Variants in PLEKHH2 observed in about 807,000 individuals in gnomAD.
The protein encoded by PLEKHH2 is pleckstrin homology, MyTH4 and FERM domain containing H2, also known as pleckstrin homology domain-containing family H member 2.
Under a neutral mutation model 187.9 loss-of-function variants are expected in PLEKHH2, and 129 were observed. The ratio of observed to expected loss-of-function variants is 0.69; its 90% CI spans 0.59 to 0.79. The LOEUF (loss-of-function observed/expected upper bound fraction) is 0.79, where lower values mean the gene tolerates loss of function less well. PLEKHH2 is among the 30% of genes least tolerant of loss of function. The probability of loss-of-function intolerance (pLI) is 0.00; values close to 1 mark genes in which losing one functional copy is unlikely to be tolerated. For synonymous variants in PLEKHH2, 686 were observed against 605.6 expected, an observed-to-expected ratio of 1.13 and a Z score of -1.95; for missense variants, 2,076 against 1,751.2, an observed-to-expected ratio of 1.19 and a Z score of -3.31.
At chr2:43,721,092 A>C (rs1244143026) in intron 16 of PLEKHH2, among the ~76,000 whole-genome samples, 2 of 152,224 alleles carry the variant, frequency 1.3e-5, no homozygotes, top group Non-Finnish European at 2.9e-5. Flanking sequence ...AAGTTAGGAA[A>C]GAAAACCTAA....
chr2:43,643,764 T>C (rs1243642244), intron 1 of PLEKHH2, among the ~76,000 whole-genome samples: 3 of 152,120 alleles, frequency 2.0e-5, no homozygotes, highest in Non-Finnish European at 4.4e-5. Context: ...AGGCTGCTTA[T>C]TAAAAATAGC....
At chr2:43,734,459 C>G (rs1671195878) in intron 19 of PLEKHH2, among the ~76,000 whole-genome samples, 1 of 152,138 alleles carries the variant, frequency 6.6e-6, no homozygotes, top group African/African-American at 2.4e-5. Flanking sequence ...AGACATTTCT[C>G]AAAAGAAGAC....
chr2:43,737,041 T>TG (rs1313560871), intron 19 of PLEKHH2, among the ~76,000 whole-genome samples: 1 of 152,166 alleles, frequency 6.6e-6, no homozygotes, highest in East Asian at 1.9e-4. Context: ...GAAAAATCTT[T>TG]GATACATTGG....
At position 43,700,016 on chromosome 2, in the gene PLEKHH2, C is replaced by G; in HGVS notation, c.1058C>G (p.Ser353Cys). 6.2e-7 allele frequency: 1 copy of G among 1,614,148 alleles called. No homozygotes were observed. The highest frequency in any genetic ancestry group is 8.5e-7 in the Non-Finnish European group (1 of 1,180,028). The change falls in exon 8 of 30, where the codon TCT becomes TGT. Residue 353 changes from serine to cysteine, a missense_variant. Ser to Cys is a moderately radical substitution (Grantham distance 112). Coordinates refer to ENST00000282406, the MANE Select transcript of PLEKHH2 (RefSeq NM_172069.4). The part of the protein sequence containing the change: ...IKRPEHKKLY[S>C]WQQEAQWKAL... The stretch of plus-strand genomic sequence containing the variant: ...AGACCAGAACACAAGAAGCTATATT[C>G]TTGGCAGCAGGAGGCACAGTGGAAA...
At chr2:43,658,211 C>A (rs2104371184) in intron 2 of PLEKHH2, among the ~76,000 whole-genome samples, 1 of 152,274 alleles carries the variant, frequency 6.6e-6, no homozygotes, top group Non-Finnish European at 1.5e-5. Context: ...CACTTGTTTT[C>A]TTCTGCTCCT....
intron 1 of PLEKHH2, among the ~76,000 whole-genome samples, chr2:43,643,760 C>A (rs1476915166): frequency 6.6e-6 from 1 of 152,068 alleles, no homozygotes; most frequent in East Asian, 1.9e-4. Flanking sequence ...TATTAGGCTG[C>A]TTATTAAAAA....
At chr2:43,728,605 A>C (rs112241551) in intron 17 of PLEKHH2, among the ~76,000 whole-genome samples, 35,503 of 145,796 alleles carry the variant, frequency 0.24, 6,407 homozygotes, top group African/African-American at 0.51. Flanking sequence ...TCTGTTGCCC[A>C]GGCTGGAGTG....
rs964038437 is a variant in PLEKHH2 at position 43,712,507 on chromosome 2, G to C, written c.2460+124G>C. 5.0e-6 allele frequency: 6 copies of C among 1,188,706 alleles called. No individual in the cohort carries two copies. The South Asian group carries it at 8.6e-5, about 17-fold the overall frequency. The allele number at this position is 1,188,706 out of a possible 1,614,324, so 73.6% of individuals were successfully genotyped here. A position where few individuals can be genotyped will look rare whatever the true frequency, so the allele number is the denominator to read the frequency against. On this transcript the variant is annotated intron_variant, in intron 15 of 29. Transcript: ENST00000282406. The stretch of plus-strand genomic sequence containing the variant: ...TTGATATGATCTTGGGGATAGGAAA[G>C]GGTGTTTTTAAGTATGATGCCCAAG...
intron 2 of PLEKHH2, among the ~76,000 whole-genome samples, chr2:43,658,412 A>G (rs1055680366): frequency 6.6e-6 from 1 of 152,258 alleles, no homozygotes; most frequent in African/African-American, 2.4e-5. Context: ...AAATGACTCC[A>G]AAATTTCATG....
chr2:43,666,464 G>T lies in PLEKHH2; in HGVS notation c.124-12399G>T, dbSNP rs968325251. On this transcript the variant is annotated intron_variant, in intron 2 of 29. Coordinates refer to ENST00000282406, the MANE Select transcript of PLEKHH2 (RefSeq NM_172069.4). ...TCGCTCACGCTGGGAGCTGTAGACCGGAGCTGTTCCTATTCGGCCATCTTG... is the reference window on the plus strand; with the variant it reads ...TCGCTCACGCTGGGAGCTGTAGACCTGAGCTGTTCCTATTCGGCCATCTTG... 5.4e-5 allele frequency among the ~76,000 whole-genome samples: 8 copies of T among 147,272 alleles called. No individual in the cohort carries two copies. In the East Asian group the frequency reaches 7.7e-4, roughly 14 times the overall value.
At chr2:43,648,560 C>CGT (rs71410194) in intron 2 of PLEKHH2, among the ~76,000 whole-genome samples, 52,320 of 137,546 alleles carry the variant, frequency 0.38, 9,968 homozygotes, top group East Asian at 0.63. Flanking sequence ...TAATTACATT[C>CGT]GTGTGTGTGT....
chr2:43,749,337 T>A (rs1043897179), intron 24 of PLEKHH2, among the ~76,000 whole-genome samples: 6 of 152,160 alleles, frequency 3.9e-5, no homozygotes, highest in Non-Finnish European at 1.5e-5. Context: ...TCACTTCAAG[T>A]TGTTCTGCCT....
At chr2:43,675,344 T>C (rs1235503882) in intron 2 of PLEKHH2, 1 of 1,471,802 alleles carries the variant, frequency 6.8e-7, no homozygotes, top group Admixed American at 2.5e-5. Flanking sequence ...CAAGTGCTCT[T>C]GGACAGCACA....
intron 2 of PLEKHH2, chr2:43,676,144 A>G (rs1196781254): frequency 6.2e-7 from 1 of 1,614,048 alleles, no homozygotes; most frequent in African/African-American, 1.3e-5. Flanking sequence ...CTCCAAGAGT[A>G]TCACTTTTGA....
chr2:43,651,722 G>C (rs1407394025), intron 2 of PLEKHH2, among the ~76,000 whole-genome samples: 1 of 152,104 alleles, frequency 6.6e-6, no homozygotes, highest in Non-Finnish European at 1.5e-5. Flanking sequence ...CCATGAACAA[G>C]GCATATTCAC....
At chr2:43,703,852 TA>T (rs1669509910) in intron 8 of PLEKHH2, 128 bp from the exon 9 acceptor site, 1 of 594,966 alleles carries the variant, frequency 1.7e-6, no homozygotes, top group Non-Finnish European at 2.9e-6. Flanking sequence ...GGTTTTATAA[TA>T]ATGCTGTACT....
intron 23 of PLEKHH2, among the ~76,000 whole-genome samples, chr2:43,744,762 G>A (rs1255551047): frequency 6.6e-6 from 1 of 151,538 alleles, no homozygotes; most frequent in Admixed American, 6.6e-5. Flanking sequence ...CAGCTACTCT[G>A]GAAGCTGAGG....
At chr2:43,667,778 G>A (rs572673459) in intron 2 of PLEKHH2, among the ~76,000 whole-genome samples, 2 of 152,238 alleles carry the variant, frequency 1.3e-5, no homozygotes, top group East Asian at 1.9e-4. Flanking sequence ...TGCAAAGGGC[G>A]ATTGGGAGAG....
At chr2:43,747,990 CTT>C (rs1558613988) in intron 24 of PLEKHH2, among the ~76,000 whole-genome samples, 1 of 152,182 alleles carries the variant, frequency 6.6e-6, no homozygotes, top group African/African-American at 2.4e-5. Flanking sequence ...TTGTCATATT[CTT>C]TGTCAATGTT....
Sources: allele counts gnomAD v4.1 joint callset (sites outside exome capture counted in the v4.1 genomes callset), GRCh38; gene constraint gnomAD v4.1.1; transcripts MANE v1.5; gene names NCBI Gene and HGNC (gene_info 2026-07-23, HGNC 2026-07-21).